ADGRB3: variants seen among roughly 807,000 people sequenced by gnomAD.
ADGRB3 encodes adhesion G protein-coupled receptor B3.
Under a neutral mutation model 193.4 loss-of-function variants are expected in ADGRB3, and 37 were observed. The observed-to-expected ratio is 0.19, with a 90% CI of 0.15 to 0.25. The LOEUF is 0.25. Among genes scored for constraint, ADGRB3 ranks in the 10% least tolerant of loss-of-function variants. ADGRB3 has a pLI of 1.00. For missense variants in ADGRB3, 1,637 were observed against 1,852.9 expected, an observed-to-expected ratio of 0.88 and a Z score of 2.14; for synonymous variants, 690 against 644.2, an observed-to-expected ratio of 1.07 and a Z score of -1.08.
At chr6:68,875,250 CTCCCCTCCCCTCCCT>C (rs1240058399) in intron 3 of ADGRB3, among the ~76,000 whole-genome samples, 2 of 115,470 alleles carry the variant, frequency 1.7e-5, no homozygotes, top group South Asian at 3.4e-4. Context: ...CTGCCCTCCC[CTCCCCTCCCCTCCCT>C]TCCCCTCCCC....
At chr6:69,142,810 T>C (rs1010605162) in intron 17 of ADGRB3, among the ~76,000 whole-genome samples, 5 of 152,200 alleles carry the variant, frequency 3.3e-5, no homozygotes, top group African/African-American at 1.2e-4. Context: ...TTCCTCTCAG[T>C]AGGTCTCTTC....
intron 3 of ADGRB3, among the ~76,000 whole-genome samples, chr6:68,781,109 G>T (rs1766844186): frequency 6.6e-6 from 1 of 152,094 alleles, no homozygotes; most frequent in Non-Finnish European, 1.5e-5. Flanking sequence ...TAATGTGATT[G>T]CTCATCTGCA....
chr6:69,340,465 C>T (rs1255247606), intron 26 of ADGRB3, among the ~76,000 whole-genome samples: 2 of 152,076 alleles, frequency 1.3e-5, no homozygotes, highest in Non-Finnish European at 1.5e-5. Flanking sequence ...CATTATCTAG[C>T]TTGTTTGAGA....
At chr6:68,784,803 G>T (rs1444724718) in intron 3 of ADGRB3, among the ~76,000 whole-genome samples, 3 of 152,066 alleles carry the variant, frequency 2.0e-5, no homozygotes, top group Non-Finnish European at 2.9e-5. Flanking sequence ...TCTCATCTGT[G>T]TTAAAATGGA....
chr6:68,827,281 A>G (rs73745892), intron 3 of ADGRB3, among the ~76,000 whole-genome samples: 4,559 of 152,208 alleles, frequency 0.03, 202 homozygotes, highest in African/African-American at 0.1. Flanking sequence ...GATAGTATCA[A>G]TTAAGATGAA....
At chr6:68,907,431 T>C (rs1766579767) in intron 3 of ADGRB3, among the ~76,000 whole-genome samples, 1 of 151,962 alleles carries the variant, frequency 6.6e-6, no homozygotes, top group Non-Finnish European at 1.5e-5. Flanking sequence ...GAAAGAATTA[T>C]TGTTATAATG....
chr6:69,235,803 T>G (rs534543182), intron 19 of ADGRB3, among the ~76,000 whole-genome samples: 9 of 152,158 alleles, frequency 5.9e-5, no homozygotes, highest in East Asian at 1.9e-4. Context: ...GACTTGTTTT[T>G]GATTGTGTTA....
intron 17 of ADGRB3, among the ~76,000 whole-genome samples, chr6:69,156,947 T>C (rs894064529): frequency 6.6e-6 from 1 of 152,196 alleles, no homozygotes; most frequent in Non-Finnish European, 1.5e-5. Context: ...CCAGTATAAT[T>C]AGCCTTCCAG....
Position 69,379,836 on chromosome 6 carries a change from A to G in ADGRB3, c.4276-2995A>G, listed in dbSNP as rs543574661. Among the ~76,000 whole-genome samples, 27 of 152,120 alleles carry G rather than the reference A, an allele frequency of 1.8e-4. No homozygotes were observed. The South Asian group carries it at 2.1e-3, about 12-fold the overall frequency. ...TATTTGGCATGAGGAAGTATTTGCA[A>G]TTAATGTTTCTAGGTAACAAGGGCC... On this transcript the variant is annotated intron_variant, in intron 30 of 31. Coordinates refer to ENST00000370598, the MANE Select transcript of ADGRB3 (RefSeq NM_001704.3).
intron 3 of ADGRB3, among the ~76,000 whole-genome samples, chr6:68,841,781 G>T (rs1469827702): frequency 1.3e-5 from 2 of 152,048 alleles, no homozygotes; most frequent in Non-Finnish European, 2.9e-5. Flanking sequence ...GACTTCACAT[G>T]TTCTCACTTA....
At chr6:69,058,795 T>C (rs535920727) in intron 15 of ADGRB3, among the ~76,000 whole-genome samples, 17 of 152,244 alleles carry the variant, frequency 1.1e-4, no homozygotes, top group African/African-American at 4.1e-4. Context: ...TATTCCATTG[T>C]AGTCGGAAAA....
intron 26 of ADGRB3, among the ~76,000 whole-genome samples, chr6:69,348,778 CTGGAGG>C (rs1168204462): frequency 6.6e-6 from 1 of 152,144 alleles, no homozygotes; most frequent in African/African-American, 2.4e-5. Flanking sequence ...AAACTAATAA[CTGGAGG>C]TTCAATATGT....
chr6:68,952,238 AT>A (rs948148776), intron 6 of ADGRB3, among the ~76,000 whole-genome samples: 331 of 151,942 alleles, frequency 2.2e-3, no homozygotes, highest in African/African-American at 7.5e-3. Context: ...TCCATTAATA[AT>A]TTTTTTTAAT....
At chr6:69,212,110 G>T (rs1390292971) in intron 17 of ADGRB3, among the ~76,000 whole-genome samples, 1 of 152,114 alleles carries the variant, frequency 6.6e-6, no homozygotes, top group East Asian at 1.9e-4. Context: ...TTAGCATAAT[G>T]AATTTGTAGG....
Position 68,993,643 on chromosome 6 carries a change from C to G in ADGRB3, c.1735-125C>G, listed in dbSNP as rs1769300587. The G allele has an allele frequency of 6.2e-6, 6 of 969,376 alleles. No individual in the cohort carries two copies. The South Asian group carries it at 9.7e-5, about 16-fold the overall frequency. The allele number at this position is 969,376 out of a possible 1,614,324, so 60.0% of individuals were successfully genotyped here. A position where few individuals can be genotyped will look rare whatever the true frequency, so the allele number is the denominator to read the frequency against. On this transcript the variant is annotated intron_variant, in intron 10 of 31. Transcript: ENST00000370598. ...ACACACAATTTACAGTTTTCAAATC[C>G]TCCCAAGCATTGCAAGGCTATTTTA...
intron 3 of ADGRB3, among the ~76,000 whole-genome samples, chr6:68,826,528 G>A (rs1767847066): frequency 6.6e-6 from 1 of 152,266 alleles, no homozygotes; most frequent in Non-Finnish European, 1.5e-5. Flanking sequence ...TACTCCAAGT[G>A]GAACTGGAAG....
At chr6:69,131,128 TAAA>T (rs1201121828) in intron 17 of ADGRB3, among the ~76,000 whole-genome samples, 3 of 151,926 alleles carry the variant, frequency 2.0e-5, no homozygotes, top group Non-Finnish European at 4.4e-5. Flanking sequence ...TAGCTTGAAA[TAAA>T]AAAAGAATGT....
chr6:68,743,270 TC>T (rs1766016245), intron 3 of ADGRB3, among the ~76,000 whole-genome samples: 1 of 152,098 alleles, frequency 6.6e-6, no homozygotes, highest in Admixed American at 6.6e-5. Context: ...GATTAAGATC[TC>T]AGCAATGACT....
intron 3 of ADGRB3, among the ~76,000 whole-genome samples, chr6:68,763,263 A>G (rs1582180575): frequency 6.6e-6 from 1 of 151,888 alleles, no homozygotes; most frequent in Non-Finnish European, 1.5e-5. Flanking sequence ...GCTAATTTTT[A>G]TATTTTTGTA....
Sources: allele counts gnomAD v4.1 joint callset (sites outside exome capture counted in the v4.1 genomes callset), GRCh38; gene constraint gnomAD v4.1.1; transcripts MANE v1.5; gene names NCBI Gene and HGNC (gene_info 2026-07-23, HGNC 2026-07-21).